The following PGK1 variants were observed in gnomAD, a reference collection of about 807,000 sequenced individuals.
The protein encoded by PGK1 is phosphoglycerate kinase 1.
A neutral mutation model predicts 26.9 loss-of-function variants in PGK1; 3 were observed. The ratio of observed to expected loss-of-function variants is 0.11; its 90% CI spans 0.05 to 0.29. PGK1 has a LOEUF of 0.29. Ranked by LOEUF, PGK1 falls within the 10% of genes least tolerant of loss-of-function variation. The pLI is 1.00. For missense variants in PGK1, 270 were observed against 314.7 expected (o/e 0.86, Z 1.07); for synonymous variants, 125 against 115.3 (o/e 1.08, Z -0.54).
chrX:78,107,604 G>T (rs1453981114), intron 1 of PGK1, among the ~76,000 whole-genome samples: 29 of 112,287 alleles, frequency 2.6e-4, no homozygotes, highest in African/African-American at 3.2e-5. Context: ...GTATTCCATG[G>T]TGTGGTTGTA....
intron 6 of PGK1, among the ~76,000 whole-genome samples, chrX:78,120,121 G>A (rs1405363965): frequency 4.5e-5 from 5 of 111,750 alleles, no homozygotes; most frequent in Non-Finnish European, 9.4e-5. Flanking sequence ...CACCTTTCTT[G>A]TAGTGTAGTT....
At chrX:78,121,440 A>G (rs782365109) in intron 6 of PGK1, among the ~76,000 whole-genome samples, 13 of 111,519 alleles carry the variant, frequency 1.2e-4, no homozygotes, top group Non-Finnish European at 2.5e-4. Context: ...AAAACAATCT[A>G]TCTTTACCCT....
intron 1 of PGK1, among the ~76,000 whole-genome samples, chrX:78,104,917 C>T (rs1449248457): frequency 4.5e-5 from 5 of 111,772 alleles, no homozygotes; most frequent in South Asian, 3.7e-4. Context: ...CCCCCCCGCC[C>T]CCCGCCACTA....
intron 1 of PGK1, among the ~76,000 whole-genome samples, chrX:78,105,636 G>A (rs1238401549): frequency 1.8e-5 from 2 of 111,548 alleles, no homozygotes; most frequent in Non-Finnish European, 3.8e-5. Flanking sequence ...AACTGTATGG[G>A]TACCCTAAAA....
At chrX:78,123,939 GTT>G (rs2078369969) in intron 8 of PGK1, among the ~76,000 whole-genome samples, 1 of 111,365 alleles carries the variant, frequency 9.0e-6, no homozygotes. Context: ...TTCTTCATCT[GTT>G]TAATGTGTAT....
At position 78,124,994 on chromosome X, in the gene PGK1, A is replaced by G. The variant is rs1557248496; in HGVS notation, c.1057A>G (p.Lys353Glu). The G allele has an allele frequency of 8.3e-7, 1 of 1,211,103 alleles. No individual in the cohort carries two copies. Among genetic ancestry groups the G allele is most frequent in the South Asian group, 1.8e-5 (1 of 56,963 alleles). ...FEWEAFARGT[K>E]ALMDEVVKAT... ...ATGGGAAGCTTTTGCCCGGGGAACC[A>G]AAGCTCTCATGGATGAGGTGGTGAA... Residue 353 changes from lysine to glutamate, a missense_variant, in exon 9 of 11, where the codon AAA becomes GAA. Coordinates refer to ENST00000373316, the MANE Select transcript of PGK1 (RefSeq NM_000291.4).
In PGK1 at chrX:78,118,137, G is replaced by T. The variant is rs782611692; in HGVS notation, c.608G>T (p.Ser203Ile). The T allele has an allele frequency of 8.3e-7, 1 of 1,208,657 alleles. No homozygotes were observed. Among genetic ancestry groups the T allele is most frequent in the South Asian group, 1.8e-5 (1 of 56,810 alleles). The stretch of plus-strand genomic sequence containing the variant: ...AACTACTTTGCAAAGGCCTTGGAGA[G>T]CCCAGAGCGACCCTTCCTGGCCATC... ...ELNYFAKALE[S>I]PERPFLAILG... The change falls in exon 6 of 11, where the codon AGC becomes ATC. Residue 203 changes from serine (S) to isoleucine (I), a missense_variant. Ser to Ile is a moderately radical substitution (Grantham distance 142). Coordinates refer to ENST00000373316, the MANE Select transcript of PGK1 (RefSeq NM_000291.4).
At chrX:78,106,151 AT>A (rs1331240160) in intron 1 of PGK1, among the ~76,000 whole-genome samples, 1 of 111,585 alleles carries the variant, frequency 9.0e-6, no homozygotes, top group Non-Finnish European at 1.9e-5. Context: ...TCTGGACCTA[AT>A]AAAGTTTCAT....
chrX:78,110,462 G>A (rs1377738051), intron 2 of PGK1, among the ~76,000 whole-genome samples: 1 of 110,121 alleles, frequency 9.1e-6, no homozygotes, highest in African/African-American at 3.3e-5. Context: ...ACCTGGCAGA[G>A]TTATTCATTT....
chrX:78,114,696 G>A (rs1221493028), intron 4 of PGK1, among the ~76,000 whole-genome samples: 2 of 111,495 alleles, frequency 1.8e-5, no homozygotes, highest in African/African-American at 6.5e-5. Context: ...TTCTATAAAT[G>A]GCCAGATAGT....
At chrX:78,122,632 T>C (rs2078361981) in intron 6 of PGK1, among the ~76,000 whole-genome samples, 1 of 111,494 alleles carries the variant, frequency 9.0e-6, no homozygotes, top group African/African-American at 3.3e-5. Flanking sequence ...GATACACTGA[T>C]GTCTGGAGCC....
Position 78,126,000 on chromosome X carries a change from T to C in PGK1, c.*170T>C. On this transcript the variant is annotated 3_prime_UTR_variant, in exon 11 of 11. Coordinates refer to ENST00000373316, the MANE Select transcript of PGK1 (RefSeq NM_000291.4). ...GCACAGCATCTCAGCTCATCTTCAC[T>C]GCACCCTGGATTTGCATACATTCTT... is the stretch of plus-strand genomic sequence containing the variant. 1 of 514,678 alleles carries C rather than the reference T, an allele frequency of 1.9e-6. No homozygotes were observed. The allele number at this position is 514,678 out of a possible 1,213,427, so 42.4% of individuals were successfully genotyped here.
chrX:78,106,622 ACT>A (rs1177217820), intron 1 of PGK1: 1 of 750,266 alleles, frequency 1.3e-6, no homozygotes. Flanking sequence ...GTATTTGCTG[ACT>A]CTTCTGGTCC....
chrX:78,116,547 C>T (rs781971309), intron 4 of PGK1, among the ~76,000 whole-genome samples: 48 of 111,854 alleles, frequency 4.3e-4, no homozygotes, highest in Non-Finnish European at 8.8e-4. Context: ...GTGTCCTGTC[C>T]CCTTTCATCT....
At chrX:78,119,611 G>T (rs1198498211) in intron 6 of PGK1, among the ~76,000 whole-genome samples, 1 of 111,628 alleles carries the variant, frequency 9.0e-6, no homozygotes, top group East Asian at 2.8e-4. Flanking sequence ...TTATCCCCAC[G>T]TGTTGTGGGA....
chrX:78,129,259 A>ATCTG lies in PGK1; in HGVS notation c.*3431_*3434dup, dbSNP rs1156241961. The ATCTG allele has an allele frequency of 9.1e-6, 1 of 109,961 alleles. No individual in the cohort carries two copies. The highest frequency in any genetic ancestry group is 1.9e-5 in the Non-Finnish European group (1 of 52,524). The allele number at this position is 109,961 out of a possible 1,213,427, so 9.1% of individuals were successfully genotyped here. The stretch of plus-strand genomic sequence containing the variant: ...TATCTATCTATCTATCTATCTATCT[A>ATCTG]TCTGTATATAGATATATTAAAATGT... On this transcript the variant is annotated 3_prime_UTR_variant, in exon 11 of 11. Transcript: ENST00000373316.
chrX:78,104,430 G>A, intron 1 of PGK1, 25 bp downstream of exon 1: 3 of 1,090,637 alleles, frequency 2.8e-6, no homozygotes, highest in South Asian at 3.7e-5. Flanking sequence ...TTGCCCGCGT[G>A]CTCTCTGTGC....
Position 78,113,773 on chromosome X carries a change from T to A in PGK1, c.146T>A (p.Phe49Tyr), listed in dbSNP as rs781875982. 3.3e-6 allele frequency: 4 copies of A among 1,209,480 alleles called. No individual in the cohort carries two copies. In the Admixed American group the frequency reaches 8.7e-5, roughly 26 times the overall value. Residue 49 changes from phenylalanine (F) to tyrosine (Y), a missense_variant, in exon 3 of 11, where the codon TTC (phenylalanine) becomes TAC (tyrosine). This residue lies in a region of PGK1 where 150 missense variants were observed against 154.6 expected (regional missense o/e 0.97). Coordinates refer to ENST00000373316, the MANE Select transcript of PGK1 (RefSeq NM_000291.4). ...RIKAAVPSIK[F>Y]CLDNGAKSVV... Reference sequence around the variant, plus strand: ...AAGGCTGCTGTCCCAAGCATCAAATTCTGCTTGGACAATGGAGCCAAGTCG... The same window carrying A: ...AAGGCTGCTGTCCCAAGCATCAAATACTGCTTGGACAATGGAGCCAAGTCG...
In PGK1 at chrX:78,128,770, C is replaced by T; in HGVS notation, c.*2940C>T. ...TGTTTTCTTCATTTCCAAAATTTCC[C>T]TCTAGCACAGGGGTTTACACATGAT... On this transcript the variant is annotated 3_prime_UTR_variant, in exon 11 of 11. Coordinates refer to ENST00000373316, the MANE Select transcript of PGK1 (RefSeq NM_000291.4). 1 of 111,427 alleles carries T rather than the reference C, an allele frequency of 9.0e-6. No homozygotes were observed. Among genetic ancestry groups the T allele is most frequent in the East Asian group, 2.8e-4 (1 of 3,547 alleles). 9.2% of individuals were successfully genotyped at this position (111,427 alleles called of 1,213,427 possible).
Sources: allele counts gnomAD v4.1 joint callset (sites outside exome capture counted in the v4.1 genomes callset), GRCh38; gene constraint gnomAD v4.1.1; regional missense constraint gnomAD v4.1.1; transcripts MANE v1.5; gene names NCBI Gene and HGNC (gene_info 2026-07-23, HGNC 2026-07-21).